The following ANK2 variants were observed in gnomAD, a reference collection of about 807,000 sequenced individuals.
ANK2 encodes the protein ankyrin-2.
Under a neutral mutation model 360.5 loss-of-function variants are expected in ANK2, and 83 were observed. The observed-to-expected ratio is 0.23, with a 90% CI of 0.19 to 0.28. The LOEUF is 0.28. ANK2 is among the 10% of genes least tolerant of loss of function. The pLI, the probability that ANK2 is intolerant of heterozygous loss-of-function variation, is 1.00. For missense variants in ANK2, 4,201 were observed against 4,795.7 expected (o/e 0.88, Z 3.66); for synonymous variants, 1,740 against 1,759.5 (o/e 0.99, Z 0.28).
chr4:113,280,182 G>C (rs1383263685), intron 17 of ANK2, among the ~76,000 whole-genome samples: 22 of 152,068 alleles, frequency 1.4e-4, no homozygotes, highest in Admixed American at 1.4e-3. Flanking sequence ...GCAAAGAAAG[G>C]ATTATAGGTA....
intron 2 of ANK2, among the ~76,000 whole-genome samples, chr4:112,955,931 TGTGCTTACTGCCAGGAA>T (rs1039870497): frequency 2.0e-5 from 3 of 152,214 alleles, no homozygotes; most frequent in African/African-American, 7.2e-5. Context: ...TGCCAGTTAC[TGTGCTTACTGCCAGGAA>T]GTAATGGTAA....
chr4:112,983,856 C>T (rs912238601), intron 2 of ANK2, among the ~76,000 whole-genome samples: 3 of 152,168 alleles, frequency 2.0e-5, no homozygotes, highest in African/African-American at 7.2e-5. Context: ...ATTGCACTTA[C>T]ATGATTTGGT....
chr4:112,952,255 G>A (rs2095070114), intron 2 of ANK2, among the ~76,000 whole-genome samples: 1 of 152,126 alleles, frequency 6.6e-6, no homozygotes, highest in Non-Finnish European at 1.5e-5. Context: ...ATAGATAACG[G>A]TAAAATGTAG....
At chr4:113,196,750 C>T (rs2098753513) in intron 3 of ANK2, among the ~76,000 whole-genome samples, 1 of 152,154 alleles carries the variant, frequency 6.6e-6, no homozygotes, top group Admixed American at 6.5e-5. Context: ...TTCCTGGGCT[C>T]TAGCGATCCT....
rs771352067 is a variant in ANK2, at chr4:113,365,154, A to G, written c.11004A>G (p.Glu3668=). The G allele has an allele frequency of 1.2e-6, 2 of 1,613,796 alleles. No homozygotes were observed. The highest frequency in any genetic ancestry group is 1.7e-6 in the Non-Finnish European group (2 of 1,179,890). The change falls in exon 41 of 46, where the codon GAA becomes GAG. Residue 3668 remains glutamate, a synonymous_variant. Transcript: ENST00000357077. The part of the protein sequence containing the change: ...ERISHSYAEI[E]QTITLDHSEG... Reference sequence around the variant, plus strand: ...TCAGTCATAGTTATGCAGAAATTGAACAGACCATTACACTGGATCATAGTG... The same window carrying G: ...TCAGTCATAGTTATGCAGAAATTGAGCAGACCATTACACTGGATCATAGTG...
intron 23 of ANK2, among the ~76,000 whole-genome samples, chr4:113,310,848 A>G (rs1185079355): frequency 6.6e-6 from 1 of 152,236 alleles, no homozygotes; most frequent in Non-Finnish European, 1.5e-5. Context: ...ATAAGAATAG[A>G]TGTAGTCTCC....
chr4:112,805,726 C>T, the ANK2 span, among the ~76,000 whole-genome samples: 9 of 152,024 alleles, frequency 5.9e-5, no homozygotes, highest in African/African-American at 1.4e-4. Flanking sequence ...GGATTACAGG[C>T]GCATGCCACC....
chr4:112,712,696 T>C, the ANK2 span, among the ~76,000 whole-genome samples: 20 of 152,182 alleles, frequency 1.3e-4, no homozygotes, highest in South Asian at 6.2e-4. Context: ...CATGAGCCAC[T>C]GCGCCCGGCC....
chr4:112,861,723 A>G (rs1236582713), intron 1 of ANK2, among the ~76,000 whole-genome samples: 1 of 152,210 alleles, frequency 6.6e-6, no homozygotes, highest in African/African-American at 2.4e-5. Context: ...ACATGGTGTA[A>G]TGTTTTAAAA....
chr4:113,359,431 T>C, intron 38 of ANK2, 132 bp downstream of exon 38: 1 of 1,139,602 alleles, frequency 8.8e-7, no homozygotes, highest in South Asian at 1.4e-5. Context: ...AATGTGTTTG[T>C]GTAAGCCCTT....
chr4:112,784,679 C>A, the ANK2 span, among the ~76,000 whole-genome samples: 1 of 152,140 alleles, frequency 6.6e-6, no homozygotes, highest in Non-Finnish European at 1.5e-5. Flanking sequence ...AAGCAATCTG[C>A]CCACCTTAGC....
intron 1 of ANK2, among the ~76,000 whole-genome samples, chr4:112,828,778 A>C (rs1478120826): frequency 6.6e-6 from 1 of 152,220 alleles, no homozygotes; most frequent in Admixed American, 6.5e-5. Context: ...TGTATCCAGC[A>C]AAAGTCTATG....
intron 1 of ANK2, chr4:113,106,846 C>T (rs769670405): frequency 1.9e-6 from 1 of 525,176 alleles, no homozygotes. Flanking sequence ...TGTAACTGGG[C>T]CAGTTTCTGC....
intron 1 of ANK2, chr4:112,826,519 T>A (rs1220075425): frequency 2.4e-6 from 3 of 1,262,946 alleles, no homozygotes; most frequent in Non-Finnish European, 3.4e-6. Flanking sequence ...AAGCCTGTTA[T>A]TGGCACTCCA....
At chr4:113,062,092 C>T (rs1336369124) in intron 1 of ANK2, among the ~76,000 whole-genome samples, 1 of 152,036 alleles carries the variant, frequency 6.6e-6, no homozygotes, top group African/African-American at 2.4e-5. Flanking sequence ...ATTCTAAAAA[C>T]CTAAGGCCAT....
chr4:113,361,497 C>A (rs2096223417), intron 39 of ANK2, among the ~76,000 whole-genome samples: 2 of 148,402 alleles, frequency 1.3e-5, no homozygotes, highest in African/African-American at 5.0e-5. Flanking sequence ...TTTTCATCTA[C>A]TTGTGACTTA....
At position 113,222,908 on chromosome 4, in the gene ANK2, T is replaced by A. The variant is rs139824481; in HGVS notation, c.385-9253T>A. On this transcript the variant is annotated intron_variant, in intron 4 of 45. Coordinates refer to ENST00000357077, the MANE Select transcript of ANK2 (RefSeq NM_001148.6). ...AGATTATCTGAGAAAATGTATATGATACTTTAATTAATAGGATGCCTTCTT... is the reference window on the plus strand; with the variant it reads ...AGATTATCTGAGAAAATGTATATGAAACTTTAATTAATAGGATGCCTTCTT... Among the ~76,000 whole-genome samples the A allele has an allele frequency of 2.2e-3, 329 of 152,358 alleles. 1 individual carries two copies. Among genetic ancestry groups the A allele is most frequent in the Non-Finnish European group, 3.8e-3 (259 of 68,026 alleles).
intron 1 of ANK2, among the ~76,000 whole-genome samples, chr4:113,076,733 C>G (rs1362278444): frequency 2.6e-5 from 4 of 151,184 alleles, no homozygotes; most frequent in Non-Finnish European, 5.9e-5. Flanking sequence ...GAGGTTGAGG[C>G]TGCAGTAAAC....
At chr4:113,233,895 T>TC (rs2099350324) in intron 5 of ANK2, among the ~76,000 whole-genome samples, 1 of 152,182 alleles carries the variant, frequency 6.6e-6, no homozygotes, top group African/African-American at 2.4e-5. Context: ...GACCTTTTTT[T>TC]CCCTCAGACA....
Sources: allele counts gnomAD v4.1 joint callset (sites outside exome capture counted in the v4.1 genomes callset), GRCh38; gene constraint gnomAD v4.1.1; transcripts MANE v1.5; gene names NCBI Gene and HGNC (gene_info 2026-07-23, HGNC 2026-07-21).